The following LEPR variants were observed in gnomAD, a reference collection of about 807,000 sequenced individuals.
LEPR encodes the protein OB receptor.
LEPR carries 56 observed loss-of-function variants against 114.7 expected under a neutral mutation model. The observed-to-expected ratio is 0.49, with a 90% CI of 0.39 to 0.61. The LOEUF is 0.61. LEPR is among the 20% of genes least tolerant of loss of function. The pLI is 0.00. For synonymous variants in LEPR, 443 were observed against 461.4 expected, an observed-to-expected ratio of 0.96 and a Z score of 0.51; for missense variants, 1,202 against 1,352.9, an observed-to-expected ratio of 0.89 and a Z score of 1.75.
intron 5 of LEPR, among the ~76,000 whole-genome samples, chr1:65,579,893 G>C (rs1221624964): frequency 1.3e-5 from 2 of 152,136 alleles, no homozygotes; most frequent in Non-Finnish European, 2.9e-5. Flanking sequence ...CTTCAGTTTA[G>C]TCAGCCAAAC....
intron 2 of LEPR, among the ~76,000 whole-genome samples, chr1:65,557,894 A>G: frequency 6.6e-6 from 1 of 152,146 alleles, no homozygotes. Context: ...TTAAGAATGA[A>G]ACCTGATTCC....
At chr1:65,609,871 A>G (rs1657056335) in intron 12 of LEPR, 76 bp from the exon 13 acceptor site, 1 of 1,599,664 alleles carries the variant, frequency 6.3e-7, no homozygotes, top group African/African-American at 1.3e-5. Flanking sequence ...AAGGTTTAAA[A>G]TAAAATGTAC....
chr1:65,552,796 G>A (rs1652504830), intron 2 of LEPR, among the ~76,000 whole-genome samples: 1 of 152,172 alleles, frequency 6.6e-6, no homozygotes, highest in Admixed American at 6.5e-5. Flanking sequence ...AGTTGATGCA[G>A]TTTCTTCATA....
intron 14 of LEPR, among the ~76,000 whole-genome samples, chr1:65,615,005 G>T (rs1366064613): frequency 1.3e-5 from 2 of 151,560 alleles, no homozygotes; most frequent in African/African-American, 4.8e-5. Flanking sequence ...TACCAAAAAA[G>T]TATTCATTAA....
At chr1:65,536,897 GT>G (rs142793513) in intron 2 of LEPR, among the ~76,000 whole-genome samples, 9,891 of 152,056 alleles carry the variant, frequency 0.065, 514 homozygotes, top group South Asian at 0.27. Context: ...TCAATATCGG[GT>G]TTTTTGGAGT....
intron 2 of LEPR, chr1:65,435,220 C>T (rs911281066): frequency 1.0e-6 from 1 of 985,370 alleles, no homozygotes; most frequent in Non-Finnish European, 1.2e-6. Flanking sequence ...ATAGATTTTT[C>T]TTACTGTCCT....
chr1:65,615,051 T>C (rs914074640), intron 14 of LEPR, among the ~76,000 whole-genome samples: 1 of 152,132 alleles, frequency 6.6e-6, no homozygotes, highest in Non-Finnish European at 1.5e-5. Context: ...AAATGCAACA[T>C]TTGCATGACT....
rs1403152272 is a variant in LEPR at position 65,541,091 on chromosome 1, G to T, written c.-20-24455G>T. Among the ~76,000 whole-genome samples the T allele has an allele frequency of 2.6e-5, 4 of 152,132 alleles. No individual in the cohort carries two copies. In the East Asian group the frequency reaches 7.7e-4, roughly 29 times the overall value. Reference sequence around the variant, plus strand: ...GCCTGCCTTGGGGTTCCAGAGTGCTGGGATTACAAGCATGAGCCACCGTGC... The same window carrying T: ...GCCTGCCTTGGGGTTCCAGAGTGCTTGGATTACAAGCATGAGCCACCGTGC... On this transcript the variant is annotated intron_variant, in intron 2 of 19. Transcript: ENST00000349533.
At chr1:65,462,505 GT>G (rs1404249129) in intron 2 of LEPR, among the ~76,000 whole-genome samples, 1 of 152,166 alleles carries the variant, frequency 6.6e-6, no homozygotes, top group Non-Finnish European at 1.5e-5. Context: ...AATCCTTTGG[GT>G]ATATACCCAG....
intron 2 of LEPR, among the ~76,000 whole-genome samples, chr1:65,427,565 A>C (rs879801189): frequency 1.2e-3 from 179 of 152,264 alleles, no homozygotes; most frequent in Non-Finnish European, 2.1e-3. Context: ...TCTCTTAAAT[A>C]AAAAAGTAGA....
intron 2 of LEPR, among the ~76,000 whole-genome samples, chr1:65,450,096 A>T (rs1646763389): frequency 6.6e-6 from 1 of 152,020 alleles, no homozygotes; most frequent in Non-Finnish European, 1.5e-5. Flanking sequence ...TTTTAGTTTA[A>T]TTCTATTGTG....
intron 2 of LEPR, among the ~76,000 whole-genome samples, chr1:65,528,238 A>C (rs1650112484): frequency 1.3e-5 from 2 of 152,114 alleles, no homozygotes; most frequent in African/African-American, 4.8e-5. Flanking sequence ...ACCCACTTAA[A>C]GAGTATGTCC....
At chr1:65,427,246 A>G (rs1646395662) in intron 2 of LEPR, among the ~76,000 whole-genome samples, 1 of 152,158 alleles carries the variant, frequency 6.6e-6, no homozygotes, top group African/African-American at 2.4e-5. Context: ...ACCAAAGCCC[A>G]GGGTAGTTAA....
chr1:65,567,500 G>A (rs1653850857), intron 3 of LEPR, among the ~76,000 whole-genome samples: 1 of 152,106 alleles, frequency 6.6e-6, no homozygotes, highest in South Asian at 2.1e-4. Flanking sequence ...TTTACTTTTG[G>A]TAATGTTGTG....
At chr1:65,464,357 G>C (rs1377832120) in intron 2 of LEPR, among the ~76,000 whole-genome samples, 1 of 152,154 alleles carries the variant, frequency 6.6e-6, no homozygotes, top group African/African-American at 2.4e-5. Flanking sequence ...AACCAGCCTT[G>C]CATCCCAGGG....
At chr1:65,620,077 T>G (rs892751107) in intron 17 of LEPR, 54 bp downstream of exon 17, 1 of 1,339,768 alleles carries the variant, frequency 7.5e-7, no homozygotes, top group Non-Finnish European at 1.1e-6. Flanking sequence ...CCTAATTTGT[T>G]TGCAGTAATA....
rs759817106 is a variant in LEPR, at chr1:65,622,874, T to G, written c.2598-32T>G. The G allele has an allele frequency of 3.1e-6, 5 of 1,610,916 alleles. No homozygotes were observed. The South Asian group carries it at 5.5e-5, about 18-fold the overall frequency. ...CACATTTTCAATATGGATGTTTTTC[T>G]CTAATTTTGATGCCCTGTTTATCCT... is the stretch of plus-strand genomic sequence containing the variant. On this transcript the variant is annotated intron_variant, in intron 18 of 19. Transcript: ENST00000349533.
At chr1:65,474,025 T>G (rs1647124564) in intron 2 of LEPR, among the ~76,000 whole-genome samples, 1 of 152,228 alleles carries the variant, frequency 6.6e-6, no homozygotes, top group Non-Finnish European at 1.5e-5. Flanking sequence ...TTTCAGTATC[T>G]TTATCCAAGT....
intron 2 of LEPR, among the ~76,000 whole-genome samples, chr1:65,454,908 T>G (rs1014211566): frequency 3.9e-5 from 6 of 152,248 alleles, no homozygotes; most frequent in African/African-American, 1.4e-4. Flanking sequence ...TCCCCGTCAC[T>G]TTCAGGTACA....
Sources: allele counts gnomAD v4.1 joint callset (sites outside exome capture counted in the v4.1 genomes callset), GRCh38; gene constraint gnomAD v4.1.1; transcripts MANE v1.5; gene names NCBI Gene and HGNC (gene_info 2026-07-23, HGNC 2026-07-21).